The following ABI2 variants were observed in gnomAD, a reference collection of about 807,000 sequenced individuals.
ABI2 encodes abl interactor 2, also known as abelson interactor 2.
ABI2 carries 25 observed loss-of-function variants against 59.2 expected under a neutral mutation model. That is an observed-to-expected ratio of 0.42 (90% CI 0.31 to 0.59). The LOEUF (loss-of-function observed/expected upper bound fraction) is 0.59, where lower values mean the gene tolerates loss of function less well. Ranked by LOEUF, ABI2 falls within the 20% of genes least tolerant of loss-of-function variation. The pLI is 0.14. For missense variants in ABI2, 545 were observed against 681.8 expected (o/e 0.80, Z 2.23); for synonymous variants, 213 against 235.5 (o/e 0.90, Z 0.87).
intron 10 of ABI2, among the ~76,000 whole-genome samples, chr2:203,414,981 C>T (rs2097832908): frequency 6.6e-6 from 1 of 152,192 alleles, no homozygotes; most frequent in Non-Finnish European, 1.5e-5. Flanking sequence ...TGACCAATGG[C>T]AGCATCTTTG....
Position 203,367,054 on chromosome 2 carries a change from C to A in ABI2, c.285+10C>A, listed in dbSNP as rs755623364. 1 of 1,605,744 alleles carries A rather than the reference C, an allele frequency of 6.2e-7. No homozygotes were observed. Among genetic ancestry groups the A allele is most frequent in the Admixed American group, 1.7e-5 (1 of 59,490 alleles). On this transcript the variant is annotated intron_variant, in intron 2 of 11. Transcript: ENST00000261018. Reference sequence around the variant, plus strand: ...CAATCATATTTCACAAGTGAGACCACAATATTTTCCTATTTGCCTATGAGG... The same window carrying A: ...CAATCATATTTCACAAGTGAGACCAAAATATTTTCCTATTTGCCTATGAGG...
intron 1 of ABI2, among the ~76,000 whole-genome samples, chr2:203,343,397 T>A (rs575401998): frequency 1.3e-5 from 2 of 152,326 alleles, no homozygotes; most frequent in South Asian, 4.1e-4. Flanking sequence ...AGCAGGTTAG[T>A]TTGTGGTACA....
chr2:203,353,428 A>G (rs570685229), intron 1 of ABI2, among the ~76,000 whole-genome samples: 1 of 152,344 alleles, frequency 6.6e-6, no homozygotes, highest in East Asian at 1.9e-4. Context: ...AAACAAAAAA[A>G]TGAGTACCCC....
intron 4 of ABI2, among the ~76,000 whole-genome samples, chr2:203,385,392 A>G (rs952589008): frequency 6.6e-6 from 1 of 151,808 alleles, no homozygotes; most frequent in African/African-American, 2.4e-5. Flanking sequence ...CGGCCTCCCA[A>G]AGTGCTGGGA....
At chr2:203,356,755 C>T (rs1273321698) in intron 1 of ABI2, among the ~76,000 whole-genome samples, 1 of 152,138 alleles carries the variant, frequency 6.6e-6, no homozygotes, top group Non-Finnish European at 1.5e-5. Flanking sequence ...CCTGCCTCGA[C>T]CTCCCAGAGT....
At chr2:203,368,818 A>AT (rs561463957) in intron 2 of ABI2, among the ~76,000 whole-genome samples, 1,762 of 143,410 alleles carry the variant, frequency 0.012, 8 homozygotes, top group South Asian at 0.018. Flanking sequence ...AAATAGATGA[A>AT]TTTTTTTTTT....
intron 3 of ABI2, among the ~76,000 whole-genome samples, chr2:203,381,352 C>T (rs1235107401): frequency 6.6e-6 from 1 of 152,214 alleles, no homozygotes; most frequent in African/African-American, 2.4e-5. Context: ...TCATAGCTCG[C>T]TCCAACCTTG....
At chr2:203,377,720 A>G (rs1290605490) in intron 2 of ABI2, among the ~76,000 whole-genome samples, 2 of 152,222 alleles carry the variant, frequency 1.3e-5, no homozygotes, top group Non-Finnish European at 2.9e-5. Context: ...TGCCTGGGCA[A>G]CATGGAAAAA....
At chr2:203,424,701 A>G (rs1249471526) in intron 11 of ABI2, among the ~76,000 whole-genome samples, 1 of 152,192 alleles carries the variant, frequency 6.6e-6, no homozygotes, top group Non-Finnish European at 1.5e-5. Flanking sequence ...GCTCAGCCAG[A>G]AAGTGAATAT....
At chr2:203,358,990 T>C (rs2092900964) in intron 1 of ABI2, among the ~76,000 whole-genome samples, 1 of 152,174 alleles carries the variant, frequency 6.6e-6, no homozygotes, top group South Asian at 2.1e-4. Flanking sequence ...TCAGCCTGGG[T>C]GACAGAGTGA....
chr2:203,333,307 A>G (rs1244457559), intron 1 of ABI2, among the ~76,000 whole-genome samples: 1 of 152,198 alleles, frequency 6.6e-6, no homozygotes, highest in Admixed American at 6.5e-5. Flanking sequence ...ATGCACAACT[A>G]TATATCAATA....
intron 3 of ABI2, 87 bp downstream of exon 3, chr2:203,380,471 C>G (rs1295430000): frequency 2.3e-6 from 2 of 857,832 alleles, no homozygotes; most frequent in Non-Finnish European, 3.4e-6. Flanking sequence ...ATCTGTCTTT[C>G]TTTCCTAGAG....
intron 5 of ABI2, among the ~76,000 whole-genome samples, chr2:203,393,503 C>G (rs936842468): frequency 6.6e-6 from 1 of 152,206 alleles, no homozygotes; most frequent in African/African-American, 2.4e-5. Context: ...AAAGTCCTGA[C>G]ATTACTTTTT....
In ABI2 at chr2:203,396,822, T is replaced by G. The variant is rs756409386; in HGVS notation, c.888T>G (p.Ala296=). 1.1e-5 allele frequency: 17 copies of G among 1,534,566 alleles called. No individual in the cohort carries two copies. In the African/African-American group the frequency reaches 2.2e-4, roughly 20 times the overall value. Residue 296 remains alanine, a synonymous_variant, in exon 8 of 12, where the codon GCT becomes GCG. Transcript: ENST00000261018. The part of the protein sequence containing the change: ...AGSAGTPPLP[A]TSASAPAPLV... ...CTGCTGGCACTCCTCCCCTTCCTGC[T>G]ACTTCTGCATCTGCCCCTGCTCCTC...
intron 1 of ABI2, among the ~76,000 whole-genome samples, chr2:203,350,898 G>A (rs998237315): frequency 1.9e-4 from 29 of 151,046 alleles, no homozygotes; most frequent in Non-Finnish European, 2.8e-4. Context: ...GTGTGCGCGC[G>A]CGCATACTTT....
Position 203,338,593 on chromosome 2 carries a change from C to T in ABI2, c.117+9962C>T, listed in dbSNP as rs907031927. On this transcript the variant is annotated intron_variant, in intron 1 of 11. Transcript: ENST00000261018. ...GCCAGCACTGTGCTTTGTGTAAAGCCTGCAGAACCAAGAGCCGATTAAACC... is the reference window on the plus strand; with the variant it reads ...GCCAGCACTGTGCTTTGTGTAAAGCTTGCAGAACCAAGAGCCGATTAAACC... Among the ~76,000 whole-genome samples, 5 of 151,776 alleles carry T rather than the reference C, an allele frequency of 3.3e-5. No individual in the cohort carries two copies. The East Asian group carries it at 9.7e-4, about 29-fold the overall frequency.
chr2:203,399,039 GT>G (rs1402832955), intron 8 of ABI2, among the ~76,000 whole-genome samples: 1 of 152,016 alleles, frequency 6.6e-6, no homozygotes, highest in Non-Finnish European at 1.5e-5. Context: ...GTGCACATGG[GT>G]TTTTATATCA....
intron 9 of ABI2, among the ~76,000 whole-genome samples, chr2:203,406,235 A>G (rs1173459283): frequency 6.6e-6 from 1 of 152,232 alleles, no homozygotes; most frequent in East Asian, 1.9e-4. Flanking sequence ...GTATGTGTAC[A>G]TATACTTACA....
At position 203,355,534 on chromosome 2, in the gene ABI2, CAAAA is replaced by C. The variant is rs371313997; in HGVS notation, c.118-11340_118-11337del. On this transcript the variant is annotated intron_variant, in intron 1 of 11. Coordinates refer to ENST00000261018, the MANE Select transcript of ABI2 (RefSeq NM_001375670.1). ...CTCAACAAAAGAAAACAACAAAAAACAAAAAACCCAAGAGGCCAGGCGCAGTGGC... is the reference window on the plus strand; with the variant it reads ...CTCAACAAAAGAAAACAACAAAAAACAACCCAAGAGGCCAGGCGCAGTGGC... 1.2e-4 allele frequency among the ~76,000 whole-genome samples: 18 copies of C among 150,576 alleles called. No homozygotes were observed. The East Asian group carries it at 3.4e-3, about 28-fold the overall frequency.
Sources: allele counts gnomAD v4.1 joint callset (sites outside exome capture counted in the v4.1 genomes callset), GRCh38; gene constraint gnomAD v4.1.1; transcripts MANE v1.5; gene names NCBI Gene and HGNC (gene_info 2026-07-23, HGNC 2026-07-21).